EPHA2: variants seen among roughly 807,000 people sequenced by gnomAD.
EPHA2 encodes ephrin type-A receptor 2.
Under a neutral mutation model 104.9 loss-of-function variants are expected in EPHA2, and 54 were observed. That is an observed-to-expected ratio of 0.51 (90% CI 0.41 to 0.65). The LOEUF is 0.65. Among genes scored for constraint, EPHA2 ranks in the 30% least tolerant of loss-of-function variants. The pLI is 0.00. For missense variants in EPHA2, 1,117 were observed against 1,369.5 expected, an observed-to-expected ratio of 0.82 and a Z score of 2.91; for synonymous variants, 560 against 559.1, an observed-to-expected ratio of 1.00 and a Z score of -0.02.
chr1:16,135,499 G>A lies in EPHA2; in HGVS notation c.1428+156C>T. 1.3e-6 allele frequency: 1 copy of A among 785,500 alleles called. No individual in the cohort carries two copies. Among genetic ancestry groups the A allele is most frequent in the South Asian group, 1.4e-5 (1 of 69,022 alleles). The allele number at this position is 785,500 out of a possible 1,614,324, so 48.7% of individuals were successfully genotyped here. A position where few individuals can be genotyped will look rare whatever the true frequency, so the allele number is the denominator to read the frequency against. ...TACAAATCTCTGCTGTGCTGCCTTG[G>A]GAGATGTAACCCCCTGGCAGACCCC... On this transcript the variant is annotated intron_variant, in intron 6 of 16. Coordinates refer to ENST00000358432, the MANE Select transcript of EPHA2 (RefSeq NM_004431.5). This position sits in a 1 kb window ranked among gnomAD's most constrained non-coding sequence, Gnocchi z 4.3.
rs111320795 is a variant in EPHA2, at chr1:16,131,594, T to A, written c.2475+127A>T. ...AAACTCCGTCTCCAAAAAAAAAAAA[T>A]AAACATTTATGGAGCAAGCCTAAGA... On this transcript the variant is annotated intron_variant, in intron 14 of 16. Coordinates refer to ENST00000358432, the MANE Select transcript of EPHA2 (RefSeq NM_004431.5). This position sits in a 1 kb window ranked among gnomAD's most constrained non-coding sequence, Gnocchi z 5.2. 3,968 of 1,292,626 alleles carry A rather than the reference T, an allele frequency of 3.1e-3. 110 individuals carry two copies. The African/African-American group carries it at 0.055, about 18-fold the overall frequency. 80.1% of individuals were successfully genotyped at this position (1,292,626 alleles called of 1,614,324 possible). A position where few individuals can be genotyped will look rare whatever the true frequency, so the allele number is the denominator to read the frequency against.
intron 10 of EPHA2, 29 bp downstream of exon 10, chr1:16,133,452 A>C: frequency 6.2e-7 from 1 of 1,614,012 alleles, no homozygotes. Context: ...CTGCCTCCTC[A>C]GGGCCCCTTG....
At chr1:16,136,716 G>GAAGAAGAAGAAGAAGAAGAA in intron 5 of EPHA2, among the ~76,000 whole-genome samples, 1 of 94,808 alleles carries the variant, frequency 1.1e-5, no homozygotes, top group African/African-American at 4.2e-5. Context: ...AAGAAGAAAA[G>GAAGAAGAAGAAGAAGAAGAA]AAGAAGAAGA....
rs2024616204 is a variant in EPHA2 at position 16,133,388 on chromosome 1, G to A, written c.1865-20C>T. On this transcript the variant is annotated intron_variant, in intron 10 of 16. Transcript: ENST00000358432. ...ACTCTCCTGTGGGCAGACAGGGTCAGGGGAGTGCCCTGGTCAGCCCCGGCA... is the reference window on the plus strand; with the variant it reads ...ACTCTCCTGTGGGCAGACAGGGTCAAGGGAGTGCCCTGGTCAGCCCCGGCA... The A allele has an allele frequency of 6.2e-7, 1 of 1,613,716 alleles. No individual in the cohort carries two copies. Among genetic ancestry groups the A allele is most frequent in the Admixed American group, 1.7e-5 (1 of 59,992 alleles).
In EPHA2 at chr1:16,145,247, G is replaced by T. The variant is rs555214780; in HGVS notation, c.823+3131C>A. Among the ~76,000 whole-genome samples the T allele has an allele frequency of 5.9e-5, 9 of 152,314 alleles. 1 individual carries two copies. The South Asian group carries it at 1.0e-3, about 18-fold the overall frequency. On this transcript the variant is annotated intron_variant, in intron 3 of 16. Transcript: ENST00000358432. ...GCCCCCGGGGGACAGCGGTCAGCCCGAGCGACTCCACTGTCCCCGCAGGCA... is the reference window on the plus strand; with the variant it reads ...GCCCCCGGGGGACAGCGGTCAGCCCTAGCGACTCCACTGTCCCCGCAGGCA...
At chr1:16,146,105 GC>G (rs1165759078) in intron 3 of EPHA2, among the ~76,000 whole-genome samples, 4 of 152,220 alleles carry the variant, frequency 2.6e-5, no homozygotes, top group Non-Finnish European at 5.9e-5. Context: ...AGAGGAGCCA[GC>G]CGGGCGTTCC....
At position 16,148,515 on chromosome 1, in the gene EPHA2, G is replaced by A. The variant is rs2124261098; in HGVS notation, c.686C>T (p.Thr229Ile). Residue 229 changes from threonine to isoleucine, a missense_variant, in exon 3 of 17, where the codon ACC becomes ATC. Thr to Ile is a moderately conservative substitution (Grantham distance 89, BLOSUM62 -1). Transcript: ENST00000358432. This position sits in a 1 kb window ranked among gnomAD's most constrained non-coding sequence, Gnocchi z 4.9. ...TGGCACCACGGCATGGTCCACACAG[G>A]TGCCGGCCACAGTGGCCAGGGAAGG... is the stretch of plus-strand genomic sequence containing the variant. ...DAPSLATVAG[T>I]CVDHAVVPPG... The A allele has an allele frequency of 1.2e-6, 2 of 1,613,764 alleles. No homozygotes were observed. The highest frequency in any genetic ancestry group is 1.7e-6 in the Non-Finnish European group (2 of 1,180,022).
In EPHA2 at chr1:16,124,919, A is replaced by G. The variant is rs568286286; in HGVS notation, c.*296T>C. On this transcript the variant is annotated 3_prime_UTR_variant, in exon 17 of 17. Coordinates refer to ENST00000358432, the MANE Select transcript of EPHA2 (RefSeq NM_004431.5). The stretch of plus-strand genomic sequence containing the variant: ...GGGAAGGTCGGCTTGGGAATATCCC[A>G]TATGTCTGTCCGAAGGCTGTGGCGG... 13 of 424,268 alleles carry G rather than the reference A, an allele frequency of 3.1e-5. No individual in the cohort carries two copies. The highest frequency in any genetic ancestry group is 2.6e-4 in the South Asian group (11 of 42,132). The allele number at this position is 424,268 out of a possible 1,614,324, so 26.3% of individuals were successfully genotyped here.
In EPHA2 at chr1:16,148,334, G is replaced by A. The variant is rs369413109; in HGVS notation, c.823+44C>T. ...TTCCAAAGCTAAAGACCAGAACCTG[G>A]GAATGCAGAACCCCCTTCCCTGCAA... On this transcript the variant is annotated intron_variant, in intron 3 of 16. Transcript: ENST00000358432. This position sits in a 1 kb window ranked among gnomAD's most constrained non-coding sequence, Gnocchi z 4.9. The A allele has an allele frequency of 8.2e-6, 13 of 1,589,712 alleles. No homozygotes were observed. The African/African-American group carries it at 1.8e-4, about 22-fold the overall frequency.
At chr1:16,149,339 G>A (rs143354545) in intron 2 of EPHA2, among the ~76,000 whole-genome samples, 14 of 152,260 alleles carry the variant, frequency 9.2e-5, no homozygotes, top group Non-Finnish European at 1.8e-4. Context: ...TCTCTAAGCC[G>A]CAATTTCCTC....
At position 16,130,653 on chromosome 1, in the gene EPHA2, A is replaced by C. The variant is rs2024555837; in HGVS notation, c.2476-234T>G. On this transcript the variant is annotated intron_variant, in intron 14 of 16. Transcript: ENST00000358432. The surrounding 1 kb of genome is among the most constrained non-coding windows in gnomAD (Gnocchi z 4.5). The stretch of plus-strand genomic sequence containing the variant: ...GGACTTTTTTTTTTTTGACTGAGAC[A>C]GGGTCTCAGTCTGTCACCCAGGCTA... Among the ~76,000 whole-genome samples the C allele has an allele frequency of 6.6e-6, 1 of 151,352 alleles. No individual in the cohort carries two copies. Among genetic ancestry groups the C allele is most frequent in the Non-Finnish European group, 1.5e-5 (1 of 67,826 alleles).
At position 16,128,233 on chromosome 1, in the gene EPHA2, G is replaced by T. The variant is rs1277642194; in HGVS notation, c.2825+1201C>A. Among the ~76,000 whole-genome samples the T allele has an allele frequency of 6.6e-6, 1 of 152,222 alleles. No homozygotes were observed. The highest frequency in any genetic ancestry group is 1.5e-5 in the Non-Finnish European group (1 of 68,036). On this transcript the variant is annotated intron_variant, in intron 16 of 16. Transcript: ENST00000358432. The surrounding 1 kb of genome is among the most constrained non-coding windows in gnomAD (Gnocchi z 4.7). ...TGGCAGATGCGGGACTTGAACCCAG[G>T]TATGTGTGCAGAGCCCAAGCCTGTG...
At position 16,125,093 on chromosome 1, in the gene EPHA2, T is replaced by G. The variant is rs2024439774; in HGVS notation, c.*122A>C. On this transcript the variant is annotated 3_prime_UTR_variant, in exon 17 of 17. Transcript: ENST00000358432. The surrounding 1 kb of genome is among the most constrained non-coding windows in gnomAD (Gnocchi z 4.9). ...TCATCCGAGACCCCTCAGCGGAAGT[T>G]GCAGGGGGAGGAAAGAACTAGAAAT... 7 of 914,194 alleles carry G rather than the reference T, an allele frequency of 7.7e-6. No homozygotes were observed. In the South Asian group the frequency reaches 8.5e-5, roughly 11 times the overall value. 56.6% of individuals were successfully genotyped at this position (914,194 alleles called of 1,614,324 possible).
At chr1:16,129,371 A>C in intron 16 of EPHA2, 63 bp downstream of exon 16, 2 of 1,572,144 alleles carry the variant, frequency 1.3e-6, no homozygotes, top group Non-Finnish European at 1.7e-6. Flanking sequence ...TGGGGGGGGC[A>C]TGGAGGCAGC....
At position 16,135,978 on chromosome 1, in the gene EPHA2, C is replaced by T. The variant is rs2024676744; in HGVS notation, c.1313-208G>A. On this transcript the variant is annotated intron_variant, in intron 5 of 16. Transcript: ENST00000358432. This position sits in a 1 kb window ranked among gnomAD's most constrained non-coding sequence, Gnocchi z 4.3. The stretch of plus-strand genomic sequence containing the variant: ...TTTGAACTCCTGTGCTCAAGTGATC[C>T]TCCTGCCTCAGCTTCCTGAATAGCT... Among the ~76,000 whole-genome samples the T allele has an allele frequency of 6.6e-6, 1 of 152,186 alleles. No individual in the cohort carries two copies.
Position 16,150,286 on chromosome 1 carries a change from C to T in EPHA2, c.153+610G>A, listed in dbSNP as rs1189319058. Among the ~76,000 whole-genome samples, 1 of 152,196 alleles carries T rather than the reference C, an allele frequency of 6.6e-6. No homozygotes were observed. Among genetic ancestry groups the T allele is most frequent in the East Asian group, 1.9e-4 (1 of 5,202 alleles). On this transcript the variant is annotated intron_variant, in intron 2 of 16. Transcript: ENST00000358432. This position sits in a 1 kb window ranked among gnomAD's most constrained non-coding sequence, Gnocchi z 4.8. ...CTGAGGCCCCGAGAGCCACATCTTC[C>T]CCAAGATCACACAGCAGACACACAC...
intron 3 of EPHA2, among the ~76,000 whole-genome samples, chr1:16,144,594 C>G (rs1212097372): frequency 1.3e-5 from 2 of 152,222 alleles, no homozygotes; most frequent in African/African-American, 4.8e-5. Context: ...ACACAGTCAA[C>G]AGCTTCCCCG....
chr1:16,140,983 T>A (rs916474719), intron 3 of EPHA2, among the ~76,000 whole-genome samples: 1 of 152,184 alleles, frequency 6.6e-6, no homozygotes, highest in South Asian at 2.1e-4. Flanking sequence ...TCCTCCCACC[T>A]CGACTTCCCA....
At chr1:16,151,056 C>T in intron 1 of EPHA2, 93 bp from the exon 2 acceptor site, 1 of 1,295,196 alleles carries the variant, frequency 7.7e-7, no homozygotes, top group Non-Finnish European at 1.1e-6. Context: ...GGAACCCCAA[C>T]TCTCAGACAG....
Sources: gnomAD v4.1 joint callset for allele counts (sites outside exome capture counted in the v4.1 genomes callset) on GRCh38, gnomAD v4.1.1 for gene constraint, Gnocchi (gnomAD v3.1) non-coding constraint, MANE v1.5 for transcripts, NCBI Gene and HGNC (gene_info 2026-07-23, HGNC 2026-07-21) for gene names.